The following PUS10 variants were observed in gnomAD, a reference collection of about 807,000 sequenced individuals.
PUS10 encodes tRNA pseudouridine synthase Pus10.
Under a neutral mutation model 75.0 loss-of-function variants are expected in PUS10, and 59 were observed. The observed-to-expected ratio is 0.79, with a 90% CI of 0.64 to 0.98. The LOEUF (loss-of-function observed/expected upper bound fraction) is 0.98, where lower values mean the gene tolerates loss of function less well. Ranked by LOEUF, PUS10 falls within the 50% of genes least tolerant of loss-of-function variation. The pLI is 0.00. For missense variants in PUS10, 650 were observed against 614.4 expected (o/e 1.06, Z -0.61); for synonymous variants, 219 against 211.6 (o/e 1.03, Z -0.30).
At chr2:60,994,364 T>C (rs1374646579) in intron 4 of PUS10, among the ~76,000 whole-genome samples, 1 of 148,918 alleles carries the variant, frequency 6.7e-6, no homozygotes, top group Non-Finnish European at 1.5e-5. Context: ...CACACATACA[T>C]GCATCAATCT....
At chr2:60,985,531 C>T (rs1045586485) in intron 4 of PUS10, among the ~76,000 whole-genome samples, 3 of 151,866 alleles carry the variant, frequency 2.0e-5, no homozygotes, top group Non-Finnish European at 2.9e-5. Flanking sequence ...AACAGGATCT[C>T]ACTGTGTTGC....
At chr2:61,008,391 T>A (rs900697957) in intron 3 of PUS10, among the ~76,000 whole-genome samples, 2 of 151,938 alleles carry the variant, frequency 1.3e-5, no homozygotes, top group Non-Finnish European at 2.9e-5. Context: ...GGCATGAGGC[T>A]GAGGCAGGAC....
intron 4 of PUS10, among the ~76,000 whole-genome samples, chr2:60,980,950 G>C (rs1677350223): frequency 6.6e-6 from 1 of 150,868 alleles, no homozygotes. Context: ...GGAGTGCAAT[G>C]ACACAATCTC....
chr2:61,009,548 C>T (rs1679465262), intron 2 of PUS10, among the ~76,000 whole-genome samples: 1 of 152,092 alleles, frequency 6.6e-6, no homozygotes, highest in South Asian at 2.1e-4. Flanking sequence ...TACACAAATG[C>T]TGACAATGCT....
At chr2:60,944,239 C>T in intron 17 of PUS10, 2 of 984,660 alleles carry the variant, frequency 2.0e-6, no homozygotes, top group Non-Finnish European at 2.4e-6. Flanking sequence ...CGATCACTGG[C>T]TGTACTGCAG....
At chr2:60,983,312 T>A (rs1361271385) in intron 4 of PUS10, among the ~76,000 whole-genome samples, 1 of 152,148 alleles carries the variant, frequency 6.6e-6, no homozygotes, top group African/African-American at 2.4e-5. Context: ...AGGAGAAAAA[T>A]ATAATTATTA....
chr2:60,996,485 A>G (rs1408496040), intron 4 of PUS10, among the ~76,000 whole-genome samples: 1 of 152,102 alleles, frequency 6.6e-6, no homozygotes, highest in Non-Finnish European at 1.5e-5. Context: ...GATGTTCATG[A>G]GTGTATGGCT....
intron 4 of PUS10, among the ~76,000 whole-genome samples, chr2:60,982,302 AC>A (rs1677445698): frequency 6.6e-6 from 1 of 151,954 alleles, no homozygotes; most frequent in Non-Finnish European, 1.5e-5. Context: ...TTGCTCTGTC[AC>A]CCAGGCTGCA....
At chr2:60,955,110 C>T (rs1206182779) in intron 11 of PUS10, 36 bp from the exon 12 acceptor site, 5 of 1,313,262 alleles carry the variant, frequency 3.8e-6, no homozygotes, top group Non-Finnish European at 4.3e-6. Context: ...AAATTAGAGA[C>T]ATCATAGCTC....
In PUS10 at chr2:61,018,058, C is replaced by T. The variant is rs989008494; in HGVS notation, c.-66G>A. 7 of 1,490,722 alleles carry T rather than the reference C, an allele frequency of 4.7e-6. No individual in the cohort carries two copies. The African/African-American group carries it at 5.6e-5, about 12-fold the overall frequency. The allele number at this position is 1,490,722 out of a possible 1,614,324, so 92.3% of individuals were successfully genotyped here. ...CTGTTTCTGACCCGGCAGCTCTAAT[C>T]AGCAACGTTTTTTTCGGGAGCTCCT... On this transcript the variant is annotated 5_prime_UTR_variant, in exon 1 of 18. Coordinates refer to ENST00000316752, the MANE Select transcript of PUS10 (RefSeq NM_144709.4).
chr2:61,016,063 A>C (rs755929237), intron 1 of PUS10, among the ~76,000 whole-genome samples: 1 of 152,260 alleles, frequency 6.6e-6, no homozygotes, highest in Non-Finnish European at 1.5e-5. Flanking sequence ...AGCTATATTA[A>C]AATTTATTTT....
At chr2:60,994,411 G>T (rs769210580) in intron 4 of PUS10, among the ~76,000 whole-genome samples, 5 of 150,046 alleles carry the variant, frequency 3.3e-5, no homozygotes, top group Admixed American at 2.0e-4. Flanking sequence ...GTCAAAAATA[G>T]CTCCTCACAA....
In PUS10 at chr2:60,960,400, T is replaced by C. The variant is rs368859825; in HGVS notation, c.992A>G (p.Lys331Arg). The C allele has an allele frequency of 8.4e-6, 13 of 1,549,402 alleles. No individual in the cohort carries two copies. The highest frequency in any genetic ancestry group is 1.1e-5 in the Non-Finnish European group (13 of 1,158,276). ...AAGATCGTAACACTTACTCTCTGCT[T>C]TAAATACTGCCAACAGATGATCTGA... ...LISDHLLAVF[K>R]AESFNFSSSG... The change falls in exon 11 of 18, where the codon AAA (lysine) becomes AGA (arginine). Residue 331 changes from lysine to arginine, a missense_variant. Coordinates refer to ENST00000316752, the MANE Select transcript of PUS10 (RefSeq NM_144709.4).
chr2:60,991,041 C>A (rs1678040110), intron 4 of PUS10, among the ~76,000 whole-genome samples: 1 of 151,940 alleles, frequency 6.6e-6, no homozygotes, highest in Non-Finnish European at 1.5e-5. Context: ...CCATGCCTGG[C>A]CTAACATTTT....
chr2:60,983,139 T>C (rs1677506925), intron 4 of PUS10, among the ~76,000 whole-genome samples: 1 of 152,086 alleles, frequency 6.6e-6, no homozygotes, highest in African/African-American at 2.4e-5. Context: ...GCAATCCTCC[T>C]GCCTTGGTCT....
intron 6 of PUS10, chr2:60,965,702 T>C (rs1438795064): frequency 1.1e-5 from 4 of 368,476 alleles, no homozygotes; most frequent in Non-Finnish European, 1.9e-5. Flanking sequence ...TCATTAGTGA[T>C]CCTACCAAAA....
chr2:60,980,789 A>G (rs1459978995), intron 4 of PUS10, among the ~76,000 whole-genome samples: 2 of 152,262 alleles, frequency 1.3e-5, no homozygotes, highest in Non-Finnish European at 1.5e-5. Context: ...ATTCTATTCA[A>G]AGAAGATTTA....
In PUS10 at chr2:61,017,824, C is replaced by T. The variant is rs1189952325; in HGVS notation, c.-16+184G>A. ...ACCCGCCGAATTCCGGGAGCCGGACCGGGACCAGGACCGGGCCCCACTTTC... is the reference window on the plus strand; with the variant it reads ...ACCCGCCGAATTCCGGGAGCCGGACTGGGACCAGGACCGGGCCCCACTTTC... On this transcript the variant is annotated intron_variant, in intron 1 of 17. Transcript: ENST00000316752. The T allele has an allele frequency of 1.4e-5, 21 of 1,550,516 alleles. No individual in the cohort carries two copies. Among genetic ancestry groups the T allele is most frequent in the Non-Finnish European group, 1.7e-5 (20 of 1,146,782 alleles).
chr2:60,951,003 T>G (rs1675301299), intron 15 of PUS10, among the ~76,000 whole-genome samples: 1 of 152,226 alleles, frequency 6.6e-6, no homozygotes, highest in Admixed American at 6.5e-5. Context: ...GTATTATTAG[T>G]CTAAGGGGAA....
Sources: allele counts gnomAD v4.1 joint callset (sites outside exome capture counted in the v4.1 genomes callset), GRCh38; gene constraint gnomAD v4.1.1; transcripts MANE v1.5; gene names NCBI Gene and HGNC (gene_info 2026-07-23, HGNC 2026-07-21).